ZMYND8: variants seen among roughly 807,000 people sequenced by gnomAD.
ZMYND8 encodes zinc finger MYND-type containing 8.
In ZMYND8, 37 loss-of-function variants were observed where a neutral mutation model predicts 140.8. The ratio of observed to expected loss-of-function variants is 0.26; its 90% confidence interval spans 0.20 to 0.35. The LOEUF (loss-of-function observed/expected upper bound fraction) is 0.35, where lower values mean the gene tolerates loss of function less well. Among genes scored for constraint, ZMYND8 ranks in the 10% least tolerant of loss-of-function variants. ZMYND8 has a pLI of 1.00. For missense variants in ZMYND8, 1,068 were observed against 1,570.0 expected (o/e 0.68, Z 5.40); for synonymous variants, 592 against 597.1 (o/e 0.99, Z 0.12).
chr20:47,240,692 T>A (rs916074668), intron 14 of ZMYND8, among the ~76,000 whole-genome samples: 2 of 150,762 alleles, frequency 1.3e-5, no homozygotes, highest in Non-Finnish European at 3.0e-5. Context: ...CTACGTGGGA[T>A]TACAGGCGCC....
At position 47,239,864 on chromosome 20, in the gene ZMYND8, C is replaced by T. The variant is rs187905815; in HGVS notation, c.2285-726G>A. ...CACCAGCTTTTATGTATACTGTGTG[C>T]TACTGTTCTTATTGGGTGGTGTTCA... On this transcript the variant is annotated intron_variant, in intron 14 of 22. Transcript: ENST00000471951. Among the ~76,000 whole-genome samples, 216 of 152,242 alleles carry T rather than the reference C, an allele frequency of 1.4e-3. 1 individual carries two copies. The highest frequency in any genetic ancestry group is 5.0e-3 in the African/African-American group (206 of 41,538).
intron 12 of ZMYND8, among the ~76,000 whole-genome samples, chr20:47,253,343 C>A (rs1485547027): frequency 6.6e-6 from 1 of 152,084 alleles, no homozygotes; most frequent in East Asian, 1.9e-4. Flanking sequence ...TCAAGACCAA[C>A]CTGACCAACA....
intron 2 of ZMYND8, among the ~76,000 whole-genome samples, chr20:47,341,485 C>T (rs1484191256): frequency 6.6e-6 from 1 of 150,530 alleles, no homozygotes; most frequent in Non-Finnish European, 1.5e-5. Flanking sequence ...TGAGAGTGCA[C>T]CACTGCATTC....
intron 17 of ZMYND8, among the ~76,000 whole-genome samples, chr20:47,228,430 C>CA (rs1008718490): frequency 4.0e-5 from 6 of 151,862 alleles, no homozygotes; most frequent in African/African-American, 1.5e-4. Flanking sequence ...CTCTAAAATC[C>CA]AAAAAAAATT....
rs73302098 is a variant in ZMYND8, at chr20:47,239,277, G to A, written c.2285-139C>T. The A allele has an allele frequency of 6.0e-6, 7 of 1,158,148 alleles. No homozygotes were observed. The African/African-American group carries it at 9.2e-5, about 15-fold the overall frequency. The allele number at this position is 1,158,148 out of a possible 1,614,324, so 71.7% of individuals were successfully genotyped here. A position where few individuals can be genotyped will look rare whatever the true frequency, so the allele number is the denominator to read the frequency against. On this transcript the variant is annotated intron_variant, in intron 14 of 22. Transcript: ENST00000471951. ...ACCAATTCGACGTGCCAAGCACACC[G>A]CGCTGGAGGAGTACATTCTCACCTA...
intron 11 of ZMYND8, among the ~76,000 whole-genome samples, chr20:47,269,198 C>CA (rs778942859): frequency 6.3e-4 from 95 of 151,562 alleles, no homozygotes; most frequent in South Asian, 8.4e-4. Flanking sequence ...GACTCCATCT[C>CA]AAAAAAAATA....
At chr20:47,355,164 C>G (rs1227601132) in intron 1 of ZMYND8, among the ~76,000 whole-genome samples, 1 of 152,154 alleles carries the variant, frequency 6.6e-6, no homozygotes. Context: ...AATATCCAAA[C>G]AAACCCCATT....
chr20:47,310,266 G>A, intron 2 of ZMYND8, 62 bp from the exon 3 acceptor site: 1 of 1,527,840 alleles, frequency 6.5e-7, no homozygotes, highest in Non-Finnish European at 8.7e-7. Flanking sequence ...CCCACAGGGA[G>A]GAGGTGTGGA....
chr20:47,262,559 G>T lies in ZMYND8; in HGVS notation c.1481-131C>A, dbSNP rs540971413. 6 of 1,256,608 alleles carry T rather than the reference G, an allele frequency of 4.8e-6. No individual in the cohort carries two copies. The African/African-American group carries it at 9.0e-5, about 19-fold the overall frequency. The allele number at this position is 1,256,608 out of a possible 1,614,324, so 77.8% of individuals were successfully genotyped here. On this transcript the variant is annotated intron_variant, in intron 11 of 22. Coordinates refer to ENST00000471951, the MANE Select transcript of ZMYND8 (RefSeq NM_001281775.3). ...TTCAGCAAGGCCGCTACAGTATCAC[G>T]AATGGGGTGGGGTGGAGCATAGCAG... is the stretch of plus-strand genomic sequence containing the variant.
chr20:47,343,652 T>A (rs1384780197), intron 2 of ZMYND8, among the ~76,000 whole-genome samples: 1 of 151,966 alleles, frequency 6.6e-6, no homozygotes, highest in African/African-American at 2.4e-5. Context: ...GCTGGGATTA[T>A]AGGCATACAA....
intron 11 of ZMYND8, among the ~76,000 whole-genome samples, chr20:47,263,867 G>A (rs1236004681): frequency 1.3e-5 from 2 of 152,236 alleles, no homozygotes; most frequent in East Asian, 3.8e-4. Context: ...TGCTATTAGA[G>A]TGGTTTTATT....
intron 11 of ZMYND8, among the ~76,000 whole-genome samples, chr20:47,275,901 G>A (rs1039220070): frequency 1.3e-5 from 2 of 152,248 alleles, no homozygotes; most frequent in African/African-American, 2.4e-5. Flanking sequence ...GAGCCACGGC[G>A]CCTGGTCAAG....
chr20:47,289,190 A>G (rs2077103796), intron 7 of ZMYND8, among the ~76,000 whole-genome samples: 1 of 152,268 alleles, frequency 6.6e-6, no homozygotes, highest in South Asian at 2.1e-4. Flanking sequence ...CAAGTCACTA[A>G]TAAGCACAGG....
At chr20:47,279,560 T>C (rs1235380684) in intron 10 of ZMYND8, among the ~76,000 whole-genome samples, 2 of 148,182 alleles carry the variant, frequency 1.3e-5, no homozygotes, top group African/African-American at 5.0e-5. Context: ...CTTGACAAAA[T>C]AGAGTCTCTG....
intron 12 of ZMYND8, among the ~76,000 whole-genome samples, chr20:47,251,755 C>T (rs2074194301): frequency 1.3e-5 from 2 of 151,528 alleles, no homozygotes; most frequent in South Asian, 4.2e-4. Flanking sequence ...GCCCAGTCGC[C>T]CCACCATCTG....
In ZMYND8 at chr20:47,238,932, C is replaced by A. The variant is rs1005821395; in HGVS notation, c.2491G>T (p.Ala831Ser). Residue 831 changes from alanine to serine, a missense_variant, in exon 15 of 23, where the codon GCC becomes TCC. Ala to Ser is a moderately conservative substitution (Grantham distance 99, BLOSUM62 1). Coordinates refer to ENST00000471951, the MANE Select transcript of ZMYND8 (RefSeq NM_001281775.3). ...CACACGACCCGCTGCACGGCCGGGG[C>A]AGTCTCCTTCGGTAAAAGCGGCCTC... The part of the protein sequence containing the change: ...KQRPLLPKET[A>S]PAVQRVVWNS... 6.2e-7 allele frequency: 1 copy of A among 1,613,970 alleles called. No homozygotes were observed. Among genetic ancestry groups the A allele is most frequent in the East Asian group, 2.2e-5 (1 of 44,900 alleles).
intron 1 of ZMYND8, among the ~76,000 whole-genome samples, chr20:47,349,602 G>A (rs369908842): frequency 1.3e-5 from 2 of 152,292 alleles, no homozygotes; most frequent in African/African-American, 4.8e-5. Flanking sequence ...GGGGTGACTG[G>A]AAATACATCT....
rs535059691 is a variant in ZMYND8 at position 47,294,269 on chromosome 20, T to A, written c.567+397A>T. On this transcript the variant is annotated intron_variant, in intron 5 of 22. Transcript: ENST00000471951. ...GGGGAGGCAGAGGCACGAGAATCACTTGAACCTGGGAGGCAGAGGTTGCAG... is the reference window on the plus strand; with the variant it reads ...GGGGAGGCAGAGGCACGAGAATCACATGAACCTGGGAGGCAGAGGTTGCAG... Among the ~76,000 whole-genome samples the A allele has an allele frequency of 7.2e-5, 11 of 151,952 alleles. No individual in the cohort carries two copies. The South Asian group carries it at 1.5e-3, about 20-fold the overall frequency.
chr20:47,214,687 G>T (rs1211932501), intron 21 of ZMYND8, among the ~76,000 whole-genome samples: 1 of 152,096 alleles, frequency 6.6e-6, no homozygotes, highest in Non-Finnish European at 1.5e-5. Context: ...TAGAGACGGG[G>T]TTTCACCATG....
Sources: allele counts gnomAD v4.1 joint callset (sites outside exome capture counted in the v4.1 genomes callset), GRCh38; gene constraint gnomAD v4.1.1; transcripts MANE v1.5; gene names NCBI Gene and HGNC (gene_info 2026-07-23, HGNC 2026-07-21).